Variants in SMIM10L3 observed in about 807,000 individuals in gnomAD.
SMIM10L3 encodes salivary gland specific protein SAGSIN1.
chr7:6,330,766 C>G, the SMIM10L3 span: 2 of 1,614,046 alleles, frequency 1.2e-6, no homozygotes, highest in Non-Finnish European at 8.5e-7. Context: ...TCCTCCCAGC[C>G]AGTCTCGCCG....
the SMIM10L3 span, chr7:6,348,949 C>T: frequency 2.7e-6 from 1 of 373,456 alleles, no homozygotes; most frequent in Non-Finnish European, 4.7e-6. Context: ...CCGCCTGTAC[C>T]AGCCTGGCCG....
At chr7:6,336,700 C>G in the SMIM10L3 span, among the ~76,000 whole-genome samples, 5,084 of 149,882 alleles carry the variant, frequency 0.034, 111 homozygotes, top group Non-Finnish European at 0.054. Flanking sequence ...AAAAAAAAAG[C>G]TGGAGTGCAA....
the SMIM10L3 span, among the ~76,000 whole-genome samples, chr7:6,339,851 G>A: frequency 2.3e-3 from 344 of 151,824 alleles, no homozygotes; most frequent in Non-Finnish European, 4.1e-3. Flanking sequence ...GGAGAGGAGA[G>A]TGTGCAGAGG....
the SMIM10L3 span, among the ~76,000 whole-genome samples, chr7:6,345,604 T>C: frequency 6.6e-6 from 1 of 152,104 alleles, no homozygotes; most frequent in Non-Finnish European, 1.5e-5. Context: ...AACAGCATCA[T>C]GTAGCAGGTT....
the SMIM10L3 span, among the ~76,000 whole-genome samples, chr7:6,345,917 C>G: frequency 6.6e-6 from 1 of 151,890 alleles, no homozygotes; most frequent in Non-Finnish European, 1.5e-5. Context: ...TACAGGCGTG[C>G]ACCATCACAC....
chr7:6,331,283 C>G, the SMIM10L3 span: 13 of 865,726 alleles, frequency 1.5e-5, no homozygotes, highest in Non-Finnish European at 2.3e-5. Context: ...ACACATGGGT[C>G]TTAAGAGCAT....
the SMIM10L3 span, among the ~76,000 whole-genome samples, chr7:6,333,845 T>C: frequency 6.8e-6 from 1 of 147,504 alleles, no homozygotes; most frequent in African/African-American, 2.5e-5. Context: ...GGCCTCTTTT[T>C]TTTTTTTTTT....
the SMIM10L3 span, among the ~76,000 whole-genome samples, chr7:6,342,375 A>C: frequency 6.6e-6 from 1 of 150,896 alleles, no homozygotes; most frequent in African/African-American, 2.4e-5. Flanking sequence ...CAAAACCCCG[A>C]CTCTACTAAA....
the SMIM10L3 span, among the ~76,000 whole-genome samples, chr7:6,346,775 AC>A: frequency 6.6e-6 from 1 of 152,120 alleles, no homozygotes; most frequent in Admixed American, 6.6e-5. Context: ...AAGACCTGCT[AC>A]TGGGACAATC....
the SMIM10L3 span, among the ~76,000 whole-genome samples, chr7:6,332,021 A>C: frequency 6.6e-6 from 1 of 150,984 alleles, no homozygotes; most frequent in Non-Finnish European, 1.5e-5. Flanking sequence ...CTGAGGTGGG[A>C]GAATCGCTTG....
At chr7:6,334,981 G>A in the SMIM10L3 span, among the ~76,000 whole-genome samples, 1 of 151,640 alleles carries the variant, frequency 6.6e-6, no homozygotes, top group Non-Finnish European at 1.5e-5. Flanking sequence ...TGGTCAGGCT[G>A]GTCTCAAACT....
chr7:6,346,828 C>T, the SMIM10L3 span, among the ~76,000 whole-genome samples: 1 of 152,148 alleles, frequency 6.6e-6, no homozygotes, highest in Non-Finnish European at 1.5e-5. Context: ...AGGGACGGCA[C>T]CTGCAGTGTG....
At chr7:6,342,784 C>T in the SMIM10L3 span, among the ~76,000 whole-genome samples, 2,918 of 152,148 alleles carry the variant, frequency 0.019, 105 homozygotes, top group African/African-American at 0.066. Context: ...CACTTGTAAT[C>T]TCAGCACTTT....
chr7:6,339,155 C>G, the SMIM10L3 span, among the ~76,000 whole-genome samples: 1 of 152,182 alleles, frequency 6.6e-6, no homozygotes, highest in African/African-American at 2.4e-5. Flanking sequence ...TCCTGCTACT[C>G]GCCACTTGGC....
the SMIM10L3 span, among the ~76,000 whole-genome samples, chr7:6,344,685 C>G: frequency 2.0e-5 from 3 of 152,198 alleles, no homozygotes; most frequent in South Asian, 6.2e-4. Context: ...TCCCAAAGTG[C>G]TGGGATTACA....
At chr7:6,330,895 C>T in the SMIM10L3 span, 4 of 1,614,226 alleles carry the variant, frequency 2.5e-6, no homozygotes, top group African/African-American at 2.7e-5. Flanking sequence ...TACTGATTCT[C>T]TCACATATGG....
chr7:6,330,622 C>A, the SMIM10L3 span: 1 of 1,614,126 alleles, frequency 6.2e-7, no homozygotes, highest in Non-Finnish European at 8.5e-7. Context: ...AGAGCCCAGA[C>A]CCTTGGGAAA....
At chr7:6,335,145 C>A in the SMIM10L3 span, among the ~76,000 whole-genome samples, 9 of 152,166 alleles carry the variant, frequency 5.9e-5, no homozygotes, top group African/African-American at 1.9e-4. Flanking sequence ...TCACTGCAAC[C>A]TCTGCCTCCT....
the SMIM10L3 span, among the ~76,000 whole-genome samples, chr7:6,341,716 C>G: frequency 6.7e-6 from 1 of 149,730 alleles, no homozygotes; most frequent in Non-Finnish European, 1.5e-5. Context: ...TATGAGTGCG[C>G]GCCAGGTGCA....
Sources: allele counts gnomAD v4.1 joint callset (sites outside exome capture counted in the v4.1 genomes callset), GRCh38; gene constraint gnomAD v4.1.1; transcripts MANE v1.5; gene names NCBI Gene and HGNC (gene_info 2026-07-23, HGNC 2026-07-21).